Variants in SYNE1 observed in about 807,000 individuals in gnomAD.
SYNE1 encodes spectrin repeat containing nuclear envelope protein 1.
A neutral mutation model predicts 1,111.0 loss-of-function variants in SYNE1; 616 were observed. The observed-to-expected ratio is 0.55, with a 90% CI of 0.52 to 0.59. The LOEUF (loss-of-function observed/expected upper bound fraction) is 0.59, where lower values mean the gene tolerates loss of function less well. Among genes scored for constraint, SYNE1 ranks in the 20% least tolerant of loss-of-function variants. SYNE1 has a pLI of 0.00. For synonymous variants in SYNE1, 3,855 were observed against 3,825.8 expected (o/e 1.01, Z -0.28); for missense variants, 10,006 against 10,417.0 (o/e 0.96, Z 1.72).
chr6:152,193,561 A>C (rs1459689674), intron 127 of SYNE1, among the ~76,000 whole-genome samples: 1 of 151,958 alleles, frequency 6.6e-6, no homozygotes, highest in African/African-American at 2.4e-5. Context: ...CAAGTGATCC[A>C]CCCACCTTGG....
intron 4 of SYNE1, among the ~76,000 whole-genome samples, chr6:152,526,435 T>G (rs1156819712): frequency 6.6e-6 from 1 of 152,208 alleles, no homozygotes; most frequent in Non-Finnish European, 1.5e-5. Flanking sequence ...CCAGCTTCTT[T>G]CTAGAAAGTG....
At chr6:152,250,433 T>C (rs1015747132) in intron 104 of SYNE1, among the ~76,000 whole-genome samples, 1 of 151,960 alleles carries the variant, frequency 6.6e-6, no homozygotes, top group East Asian at 1.9e-4. Flanking sequence ...GTCTAATGAG[T>C]GGAAGGATAA....
At chr6:152,308,739 T>C (rs751091741) in intron 90 of SYNE1, 107 bp from the exon 91 acceptor site, 1 of 1,212,356 alleles carries the variant, frequency 8.2e-7, no homozygotes, top group Non-Finnish European at 1.1e-6. Flanking sequence ...AGGTAGGGAA[T>C]AAAGAAATGA....
intron 111 of SYNE1, 102 bp from the exon 112 acceptor site, chr6:152,234,065 G>T (rs1588388225): frequency 2.4e-6 from 3 of 1,224,538 alleles, no homozygotes; most frequent in Admixed American, 1.9e-5. Flanking sequence ...TTTACATCCT[G>T]GAGGGGGTTA....
intron 130 of SYNE1, among the ~76,000 whole-genome samples, chr6:152,175,408 T>C (rs1348159687): frequency 6.6e-6 from 1 of 152,186 alleles, no homozygotes; most frequent in African/African-American, 2.4e-5. Flanking sequence ...GAGGACATTG[T>C]TTCACGTCCA....
At chr6:152,362,999 G>A (rs2096960648) in intron 63 of SYNE1, among the ~76,000 whole-genome samples, 2 of 151,000 alleles carry the variant, frequency 1.3e-5, no homozygotes. Flanking sequence ...TCCTTCCTCA[G>A]CCGCCCGAGT....
chr6:152,311,613 GGGA>G (rs2095548618), intron 87 of SYNE1, among the ~76,000 whole-genome samples: 1 of 152,082 alleles, frequency 6.6e-6, no homozygotes, highest in African/African-American at 2.4e-5. Context: ...AAGGACTTTT[GGGA>G]TCTGACAGAT....
At chr6:152,457,691 C>T (rs2098704673) in intron 22 of SYNE1, among the ~76,000 whole-genome samples, 1 of 151,990 alleles carries the variant, frequency 6.6e-6, no homozygotes, top group South Asian at 2.1e-4. Context: ...AAATGGAAAG[C>T]AATTGTTTTT....
intron 130 of SYNE1, among the ~76,000 whole-genome samples, chr6:152,174,569 T>C (rs1016658068): frequency 2.0e-5 from 3 of 152,306 alleles, no homozygotes; most frequent in Admixed American, 1.3e-4. Flanking sequence ...GAAATTAGAT[T>C]GTCGAGATCA....
chr6:152,212,940 G>T (rs2077803642), intron 123 of SYNE1, among the ~76,000 whole-genome samples: 1 of 152,026 alleles, frequency 6.6e-6, no homozygotes, highest in Non-Finnish European at 1.5e-5. Context: ...AAAAAATTCT[G>T]AATTAAGTTT....
At chr6:152,300,620 G>T (rs780796446) in intron 93 of SYNE1, 21 bp downstream of exon 93, 1 of 1,614,114 alleles carries the variant, frequency 6.2e-7, no homozygotes, top group East Asian at 2.2e-5. Flanking sequence ...TATTGCTAGA[G>T]GAATGCCAAC....
At chr6:152,391,675 G>T in intron 51 of SYNE1, 107 bp from the exon 52 acceptor site, 1 of 1,300,244 alleles carries the variant, frequency 7.7e-7, no homozygotes, top group Non-Finnish European at 1.0e-6. Context: ...CCAGACACAG[G>T]CTCATAGCTG....
intron 87 of SYNE1, among the ~76,000 whole-genome samples, chr6:152,314,590 C>T (rs2095651009): frequency 6.6e-6 from 1 of 152,094 alleles, no homozygotes; most frequent in Admixed American, 6.5e-5. Context: ...ATAATCAACT[C>T]CCTGGGGTGG....
Position 152,143,697 on chromosome 6 carries a change from T to A in SYNE1, c.25045A>T (p.Ile8349Leu). The part of the protein sequence containing the change: ...GKALDDSRFQ[I>L]QQTENIIRSK... ...CGAATGATATTTTCGGTTTGCTGTA[T>A]CTGAAAACGGCTATCATCCAGGGCT... The change falls in exon 138 of 146, where the codon ATA becomes TTA. Residue 8349 changes from isoleucine (I) to leucine (L), a missense_variant. By Grantham distance (5) the Ile-to-Leu change is conservative. This residue lies in a region of SYNE1 where 761 missense variants were observed against 795.5 expected (regional missense o/e 0.96). Coordinates refer to ENST00000367255, the MANE Select transcript of SYNE1 (RefSeq NM_182961.4). 1 of 1,614,238 alleles carries A rather than the reference T, an allele frequency of 6.2e-7. No homozygotes were observed. The highest frequency in any genetic ancestry group is 2.2e-5 in the East Asian group (1 of 44,884).
At chr6:152,371,396 T>A (rs1194759779) in intron 59 of SYNE1, among the ~76,000 whole-genome samples, 3 of 151,594 alleles carry the variant, frequency 2.0e-5, no homozygotes, top group Non-Finnish European at 4.4e-5. Flanking sequence ...CCTTCTGCCA[T>A]GATTGTAAAT....
intron 98 of SYNE1, among the ~76,000 whole-genome samples, chr6:152,272,785 T>C (rs2093306839): frequency 6.6e-6 from 1 of 152,250 alleles, no homozygotes; most frequent in African/African-American, 2.4e-5. Context: ...CCAACCCTCC[T>C]GAATCATCCA....
intron 119 of SYNE1, among the ~76,000 whole-genome samples, chr6:152,219,502 A>AC (rs1055507182): frequency 6.6e-6 from 1 of 151,822 alleles, no homozygotes; most frequent in African/African-American, 2.4e-5. Flanking sequence ...AGAAAAAAAA[A>AC]AAAAACAAAC....
At chr6:152,155,889 T>C (rs1166602401) in intron 132 of SYNE1, 21 bp downstream of exon 132, 11 of 1,613,356 alleles carry the variant, frequency 6.8e-6, no homozygotes, top group South Asian at 1.1e-5. Context: ...CTTCCCTATC[T>C]GTTTCAGCAT....
intron 21 of SYNE1, 73 bp from the exon 22 acceptor site, chr6:152,459,003 C>T: frequency 1.5e-6 from 2 of 1,310,824 alleles, no homozygotes; most frequent in Non-Finnish European, 2.2e-6. Context: ...GTTCATAGCT[C>T]TGAGGAACAT....
Sources: allele counts gnomAD v4.1 joint callset (sites outside exome capture counted in the v4.1 genomes callset), GRCh38; gene constraint gnomAD v4.1.1; regional missense constraint gnomAD v4.1.1; transcripts MANE v1.5; gene names NCBI Gene and HGNC (gene_info 2026-07-23, HGNC 2026-07-21).